Variants in TCP11L1 observed in about 807,000 individuals in gnomAD.
The protein encoded by TCP11L1 is t-complex 11 like 1.
A neutral mutation model predicts 48.9 loss-of-function variants in TCP11L1; 28 were observed. The ratio of observed to expected loss-of-function variants is 0.57; its 90% CI spans 0.42 to 0.78. The LOEUF is 0.78. Among genes scored for constraint, TCP11L1 ranks in the 30% least tolerant of loss-of-function variants. The probability of loss-of-function intolerance (pLI) is 0.00; values close to 1 mark genes in which losing one functional copy is unlikely to be tolerated. For missense variants in TCP11L1, 505 were observed against 613.4 expected (o/e 0.82, Z 1.87); for synonymous variants, 204 against 231.9 (o/e 0.88, Z 1.09).
chr11:33,054,613 A>T lies in TCP11L1; in HGVS notation c.184A>T (p.Thr62Ser). Residue 62 changes from threonine to serine, a missense_variant, in exon 3 of 10, where the codon ACA becomes TCA. By Grantham distance (58) the Thr-to-Ser change is moderately conservative (BLOSUM62 1). This residue lies in a region of TCP11L1 where 168 missense variants were observed against 183.5 expected (regional missense o/e 0.92). Coordinates refer to ENST00000334274, the MANE Select transcript of TCP11L1 (RefSeq NM_018393.4). The part of the protein sequence containing the change: ...RPHSSPPRFV[T>S]VEELLETARG... The stretch of plus-strand genomic sequence containing the variant: ...TACAGCTAGTCCTCCTCGCTTTGTG[A>T]CAGTAGAAGAACTTCTAGAGACAGC... 1 of 1,613,318 alleles carries T rather than the reference A, an allele frequency of 6.2e-7. No homozygotes were observed.
intron 4 of TCP11L1, 56 bp from the exon 5 acceptor site, chr11:33,057,863 T>C: frequency 7.0e-7 from 1 of 1,429,582 alleles, no homozygotes; most frequent in Non-Finnish European, 9.5e-7. Flanking sequence ...AAATTACATA[T>C]AATTAGAAAT....
chr11:33,044,431 G>A (rs1853928825), intron 2 of TCP11L1, among the ~76,000 whole-genome samples: 1 of 152,222 alleles, frequency 6.6e-6, no homozygotes, highest in South Asian at 2.1e-4. Context: ...CAAGGAGCAA[G>A]CCTCTTAAAT....
rs1444193998 is a variant in TCP11L1 at position 33,043,759 on chromosome 11, T to C, written c.-15T>C. 1.1e-5 allele frequency: 18 copies of C among 1,589,126 alleles called. No homozygotes were observed. Among genetic ancestry groups the C allele is most frequent in the Non-Finnish European group, 1.5e-5 (18 of 1,171,738 alleles). On this transcript the variant is annotated 5_prime_UTR_variant, in exon 2 of 10. Transcript: ENST00000334274. Reference sequence around the variant, plus strand: ...TTTTTTTCTTTCCTAGGAAAGTGAATAAACTTAATTGAGAATGTCTGAAAA... The same window carrying C: ...TTTTTTTCTTTCCTAGGAAAGTGAACAAACTTAATTGAGAATGTCTGAAAA...
intron 1 of TCP11L1, chr11:33,041,156 A>G (rs1432504014): frequency 6.6e-6 from 1 of 152,212 alleles, no homozygotes; most frequent in Non-Finnish European, 1.5e-5. Context: ...AATCTTAAGG[A>G]TGGGGTTAGT....
chr11:33,059,460 C>T (rs76192588), intron 6 of TCP11L1, among the ~76,000 whole-genome samples: 2,407 of 152,264 alleles, frequency 0.016, 67 homozygotes, highest in African/African-American at 0.055. Context: ...CTTTTCTTCT[C>T]CCTGTGTGGC....
intron 8 of TCP11L1, among the ~76,000 whole-genome samples, 166 bp from the exon 9 acceptor site, chr11:33,068,521 G>C (rs1314362481): frequency 2.0e-5 from 3 of 151,802 alleles, no homozygotes; most frequent in African/African-American, 7.2e-5. Context: ...CCCTGGTCAG[G>C]TATGCACAGC....
intron 2 of TCP11L1, among the ~76,000 whole-genome samples, chr11:33,044,693 C>T (rs536534398): frequency 4.1e-4 from 63 of 152,276 alleles, no homozygotes; most frequent in South Asian, 8.3e-4. Flanking sequence ...AAGCCCTTCC[C>T]GGGCAATTTA....
At chr11:33,049,891 C>T (rs1000669400) in intron 2 of TCP11L1, among the ~76,000 whole-genome samples, 1 of 152,184 alleles carries the variant, frequency 6.6e-6, no homozygotes, top group African/African-American at 2.4e-5. Flanking sequence ...ATGATCAGGT[C>T]TTTCCCTTCC....
intron 1 of TCP11L1, among the ~76,000 whole-genome samples, chr11:33,042,649 T>C (rs1468954797): frequency 6.6e-6 from 1 of 152,204 alleles, no homozygotes; most frequent in Admixed American, 6.5e-5. Flanking sequence ...GATTCTGTTT[T>C]CTGTAGGGCG....
At chr11:33,059,637 A>G (rs952384614) in intron 6 of TCP11L1, among the ~76,000 whole-genome samples, 6 of 152,228 alleles carry the variant, frequency 3.9e-5, no homozygotes, top group Admixed American at 6.5e-5. Context: ...TGGTCTCTGC[A>G]TTGCTAACTG....
rs763536400 is a variant in TCP11L1, at chr11:33,057,185, G to GATCC, written c.368_371dup (p.Pro125SerfsTer5). ...TTGCTTGAGTGTGCAGCTAAGTGAA[G>GATCC]ATCCCCCAGCATATGACCATGCTAT... On this transcript the variant is annotated frameshift_variant, in exon 4 of 10. Transcript: ENST00000334274. LOFTEE classifies it high-confidence loss of function. The GATCC allele has an allele frequency of 1.2e-6, 2 of 1,614,026 alleles. No homozygotes were observed. The highest frequency in any genetic ancestry group is 2.2e-5 in the South Asian group (2 of 91,080).
Position 33,066,068 on chromosome 11 carries a change from A to C in TCP11L1, c.1154+57A>C, listed in dbSNP as rs545841679. 3.9e-5 allele frequency: 62 copies of C among 1,591,466 alleles called. No homozygotes were observed. The African/African-American group carries it at 7.8e-4, about 20-fold the overall frequency. On this transcript the variant is annotated intron_variant, in intron 8 of 9. Coordinates refer to ENST00000334274, the MANE Select transcript of TCP11L1 (RefSeq NM_018393.4). ...CAGTGGATGTCAGAGAGCCGACTGG[A>C]GTCTCCCAGAGGGGTCTCCCACTGT...
chr11:33,041,863 C>T (rs951335991), intron 1 of TCP11L1, among the ~76,000 whole-genome samples: 1 of 152,144 alleles, frequency 6.6e-6, no homozygotes, highest in Non-Finnish European at 1.5e-5. Context: ...GATTCTTCAC[C>T]TCTCTCTAAT....
chr11:33,045,715 A>G (rs1853971750), intron 2 of TCP11L1, among the ~76,000 whole-genome samples: 1 of 152,100 alleles, frequency 6.6e-6, no homozygotes, highest in African/African-American at 2.4e-5. Context: ...AGTCCAGTGG[A>G]GTCAAAAGAA....
At chr11:33,066,068 AGTCTCCCAGAGGG>A in intron 8 of TCP11L1, 57 bp downstream of exon 8, 1 of 1,591,466 alleles carries the variant, frequency 6.3e-7, no homozygotes, top group South Asian at 1.2e-5. Context: ...AGCCGACTGG[AGTCTCCCAGAGGG>A]GTCTCCCACT....
intron 1 of TCP11L1, among the ~76,000 whole-genome samples, chr11:33,042,421 A>G (rs1313896351): frequency 6.6e-6 from 1 of 152,126 alleles, no homozygotes; most frequent in East Asian, 1.9e-4. Flanking sequence ...CATGCCTGTA[A>G]TCCCAGCACT....
intron 3 of TCP11L1, 99 bp from the exon 4 acceptor site, chr11:33,057,016 G>T (rs1018488093): frequency 4.2e-5 from 63 of 1,504,608 alleles, no homozygotes; most frequent in African/African-American, 5.6e-5. Context: ...CACTGGGATT[G>T]ATCTTACCCT....
chr11:33,045,589 T>C (rs558499634), intron 2 of TCP11L1, among the ~76,000 whole-genome samples: 3 of 152,358 alleles, frequency 2.0e-5, no homozygotes, highest in Admixed American at 1.3e-4. Context: ...ATGGCTAACA[T>C]GATAGCTTTA....
At chr11:33,058,898 T>A in intron 5 of TCP11L1, 61 bp from the exon 6 acceptor site, 1 of 1,584,618 alleles carries the variant, frequency 6.3e-7, no homozygotes, top group Non-Finnish European at 8.6e-7. Context: ...TCTGGTCCTC[T>A]TTTCCTTTAA....
Sources: gnomAD v4.1 joint callset for allele counts (sites outside exome capture counted in the v4.1 genomes callset) on GRCh38, gnomAD v4.1.1 for gene constraint, gnomAD v4.1.1 regional missense constraint, MANE v1.5 for transcripts, NCBI Gene and HGNC (gene_info 2026-07-23, HGNC 2026-07-21) for gene names.